Variants in MTIF2 observed in about 807,000 individuals in gnomAD.
MTIF2 encodes mitochondrial translational initiation factor 2.
MTIF2 carries 71 observed loss-of-function variants against 83.5 expected under a neutral mutation model. The ratio of observed to expected loss-of-function variants is 0.85; its 90% CI spans 0.70 to 1.04. The LOEUF (loss-of-function observed/expected upper bound fraction) is 1.04, where lower values mean the gene tolerates loss of function less well. Among genes scored for constraint, MTIF2 ranks in the 50% least tolerant of loss-of-function variants. The pLI is 0.00. For synonymous variants in MTIF2, 319 were observed against 287.1 expected (o/e 1.11, Z -1.12); for missense variants, 957 against 846.5 (o/e 1.13, Z -1.62).
chr2:55,251,215 G>T (rs1677072332), intron 8 of MTIF2, among the ~76,000 whole-genome samples: 2 of 151,626 alleles, frequency 1.3e-5, no homozygotes, highest in South Asian at 4.2e-4. Context: ...ATGATCTAAT[G>T]AAGTTATCCT....
At chr2:55,257,151 C>T (rs902667264) in intron 5 of MTIF2, among the ~76,000 whole-genome samples, 1 of 152,106 alleles carries the variant, frequency 6.6e-6, no homozygotes. Context: ...TCCAGACTTG[C>T]AGTCACCCTA....
chr2:55,259,889 A>G (rs1677829372), intron 5 of MTIF2, among the ~76,000 whole-genome samples: 1 of 152,162 alleles, frequency 6.6e-6, no homozygotes, highest in African/African-American at 2.4e-5. Flanking sequence ...AGTTGCAGTA[A>G]GCCAGGATCC....
intron 8 of MTIF2, among the ~76,000 whole-genome samples, chr2:55,249,801 A>C (rs2576711): frequency 0.63 from 95,004 of 151,982 alleles, 30,575 homozygotes; most frequent in Non-Finnish European, 0.71. Flanking sequence ...AAAAAAAACA[A>C]TACAGTCGGG....
At chr2:55,268,127 C>A (rs576886274) in intron 2 of MTIF2, among the ~76,000 whole-genome samples, 48 of 152,170 alleles carry the variant, frequency 3.2e-4, no homozygotes, top group African/African-American at 1.1e-3. Context: ...GTGGCGGGCG[C>A]CTGTAATCCC....
chr2:55,253,960 T>G (rs1677311411), intron 7 of MTIF2, 81 bp downstream of exon 7: 1 of 1,433,766 alleles, frequency 7.0e-7, no homozygotes, highest in Non-Finnish European at 9.5e-7. Flanking sequence ...ACTTTGAATT[T>G]GTATATTTCA....
intron 5 of MTIF2, among the ~76,000 whole-genome samples, chr2:55,259,812 C>CAT (rs910469980): frequency 3.9e-5 from 6 of 152,086 alleles, no homozygotes; most frequent in African/African-American, 1.4e-4. Flanking sequence ...GGTGTGGTGG[C>CAT]ATATGCCTGT....
chr2:55,259,156 TTAAA>T (rs1413103654), intron 5 of MTIF2, among the ~76,000 whole-genome samples: 2 of 152,110 alleles, frequency 1.3e-5, no homozygotes, highest in Admixed American at 6.6e-5. Context: ...TATCCAAGAC[TTAAA>T]TAAATATTTA....
intron 13 of MTIF2, among the ~76,000 whole-genome samples, chr2:55,240,751 A>C (rs1676247692): frequency 6.6e-6 from 1 of 152,258 alleles, no homozygotes; most frequent in Admixed American, 6.5e-5. Context: ...TTAAGTGCCT[A>C]TAACGTGTAA....
intron 3 of MTIF2, chr2:55,266,553 A>G (rs1348495069): frequency 6.7e-6 from 1 of 149,320 alleles, no homozygotes; most frequent in African/African-American, 2.4e-5. Flanking sequence ...TTTTTTAATG[A>G]TTTATCTCAT....
In MTIF2 at chr2:55,252,592, T is replaced by C. The variant is rs1460475047; in HGVS notation, c.726A>G (p.Ser242=). 6.2e-7 allele frequency: 1 copy of C among 1,613,888 alleles called. No homozygotes were observed. The highest frequency in any genetic ancestry group is 1.7e-5 in the Admixed American group (1 of 60,018). ...CCTGAGCACCTCTGGCTCTCATTGC[T>C]GAGAAAGCAGCATGTCCTGGAGTAT... ...FLDTPGHAAF[S]AMRARGAQVT... Residue 242 remains serine, a synonymous_variant, in exon 8 of 16, where the codon TCA becomes TCG. Coordinates refer to ENST00000263629, the MANE Select transcript of MTIF2 (RefSeq NM_002453.3).
At chr2:55,266,763 CTTTTTTT>C (rs1216777992) in intron 3 of MTIF2, among the ~76,000 whole-genome samples, 1 of 86,306 alleles carries the variant, frequency 1.2e-5, no homozygotes, top group Non-Finnish European at 2.3e-5. Context: ...ACATTTCATT[CTTTTTTT>C]TTTTTTTTTT....
intron 6 of MTIF2, 121 bp from the exon 7 acceptor site, chr2:55,254,322 G>C: frequency 8.8e-7 from 1 of 1,137,114 alleles, no homozygotes; most frequent in South Asian, 1.6e-5. Context: ...ATTCAGTGTG[G>C]ATTAGACCTA....
chr2:55,242,876 C>T, intron 13 of MTIF2, 64 bp downstream of exon 13: 1 of 1,512,054 alleles, frequency 6.6e-7, no homozygotes, highest in Non-Finnish European at 8.9e-7. Context: ...CAACAAAAGA[C>T]AGAAGCAGAT....
intron 14 of MTIF2, 134 bp from the exon 15 acceptor site, chr2:55,237,562 TCTTTAA>T (rs1354792457): frequency 1.5e-6 from 1 of 653,604 alleles, no homozygotes; most frequent in African/African-American, 1.9e-5. Flanking sequence ...AGTCTGGGTT[TCTTTAA>T]CTCCAATTTT....
At chr2:55,255,272 T>C (rs990725757) in intron 5 of MTIF2, among the ~76,000 whole-genome samples, 5 of 150,862 alleles carry the variant, frequency 3.3e-5, no homozygotes, top group African/African-American at 1.2e-4. Context: ...TGAACCACTG[T>C]TCTGAGGGGA....
chr2:55,244,269 A>C (rs1395978809), intron 10 of MTIF2, 36 bp from the exon 11 acceptor site: 1 of 1,481,178 alleles, frequency 6.8e-7, no homozygotes, highest in Non-Finnish European at 9.4e-7. Flanking sequence ...TCAATGTCAT[A>C]ATGTACTTTA....
Position 55,244,149 on chromosome 2 carries a change from G to C in MTIF2, c.1191C>G (p.Arg397=). Reference sequence around the variant, plus strand: ...TTTTTCCATTTTCATCAAACATTAAGCGTACTTTTGCCCAACATTTTCCAG... The same window carrying C: ...TTTTTCCATTTTCATCAAACATTAACCGTACTTTTGCCCAACATTTTCCAG... The part of the protein sequence containing the change: ...LVAGKCWAKV[R]LMFDENGKTI... The change falls in exon 11 of 16, where the codon CGC becomes CGG. Residue 397 remains arginine, a synonymous_variant. Transcript: ENST00000263629. 6.2e-7 allele frequency: 1 copy of C among 1,614,056 alleles called. No individual in the cohort carries two copies. Among genetic ancestry groups the C allele is most frequent in the Non-Finnish European group, 8.5e-7 (1 of 1,179,996 alleles).
At chr2:55,257,985 C>T (rs1391563481) in intron 5 of MTIF2, among the ~76,000 whole-genome samples, 1 of 152,142 alleles carries the variant, frequency 6.6e-6, no homozygotes, top group Non-Finnish European at 1.5e-5. Context: ...AAAGACAAGG[C>T]TTCATCATGT....
rs746284837 is a variant in MTIF2 at position 55,236,717 on chromosome 2, C to T, written c.2115G>A (p.Val705=). 13 of 1,609,394 alleles carry T rather than the reference C, an allele frequency of 8.1e-6. No individual in the cohort carries two copies. Among genetic ancestry groups the T allele is most frequent in the Non-Finnish European group, 1.1e-5 (13 of 1,178,760 alleles). Residue 705 remains valine (V), a synonymous_variant, in exon 16 of 16, where the codon GTG becomes GTA. Coordinates refer to ENST00000263629, the MANE Select transcript of MTIF2 (RefSeq NM_002453.3). Reference sequence around the variant, plus strand: ...CTTCATAACAAACAATTCTGTCTCCCACTTGAAATTCCATATTGTCTTCAT... The same window carrying T: ...CTTCATAACAAACAATTCTGTCTCCTACTTGAAATTCCATATTGTCTTCAT... The part of the protein sequence containing the change: ...SLDEDNMEFQ[V]GDRIVCYEEK...
Sources: gnomAD v4.1 joint callset for allele counts (sites outside exome capture counted in the v4.1 genomes callset) on GRCh38, gnomAD v4.1.1 for gene constraint, MANE v1.5 for transcripts, NCBI Gene and HGNC (gene_info 2026-07-23, HGNC 2026-07-21) for gene names.